DUSP11: variants seen among roughly 807,000 people sequenced by gnomAD.
DUSP11 encodes the protein dual specificity phosphatase 11.
DUSP11 carries 27 observed loss-of-function variants against 41.4 expected under a neutral mutation model. The observed-to-expected ratio is 0.65, with a 90% CI of 0.48 to 0.90. DUSP11 has a LOEUF of 0.90. Among genes scored for constraint, DUSP11 ranks in the 40% least tolerant of loss-of-function variants. The pLI is 0.00. For synonymous variants in DUSP11, 188 were observed against 159.3 expected, an observed-to-expected ratio of 1.18 and a Z score of -1.35; for missense variants, 465 against 461.1, an observed-to-expected ratio of 1.01 and a Z score of -0.08.
intron 2 of DUSP11, among the ~76,000 whole-genome samples, chr2:73,777,131 C>A (rs1175055401): frequency 6.6e-6 from 1 of 152,120 alleles, no homozygotes; most frequent in East Asian, 1.9e-4. Context: ...CAAGCACACG[C>A]CACCGCGCCT....
rs1672612634 is a variant in DUSP11 at position 73,772,834 on chromosome 2, C to CT, written c.574+965dup. Among the ~76,000 whole-genome samples, 3 of 152,234 alleles carry CT rather than the reference C, an allele frequency of 2.0e-5. No homozygotes were observed. In the South Asian group the frequency reaches 6.2e-4, roughly 32 times the overall value. ...ATCTTCAAACCCACTGATCCAGTCT[C>CT]TATCTCTCACCTTCCATTCCCTATC... On this transcript the variant is annotated intron_variant, in intron 4 of 8. Transcript: ENST00000272444.
In DUSP11 at chr2:73,775,048, T is replaced by C; in HGVS notation, c.319-4A>G. 1 of 1,608,066 alleles carries C rather than the reference T, an allele frequency of 6.2e-7. No homozygotes were observed. The highest frequency in any genetic ancestry group is 2.2e-5 in the East Asian group (1 of 44,712). Reference sequence around the variant, plus strand: ...GAGCAAGTTTCTTTTCAAAACTCTGTCACAGAGAATGAAATAAGAGCAAAT... The same window carrying C: ...GAGCAAGTTTCTTTTCAAAACTCTGCCACAGAGAATGAAATAAGAGCAAAT... On this transcript the variant is annotated splice_polypyrimidine_tract_variant and splice_region_variant and intron_variant, in intron 2 of 8. Coordinates refer to ENST00000272444, the Ensembl canonical transcript of DUSP11.
intron 5 of DUSP11, chr2:73,768,610 C>T (rs1672514827): frequency 1.0e-6 from 1 of 985,236 alleles, no homozygotes; most frequent in African/African-American, 1.7e-5. Context: ...ATATCAAAAA[C>T]TTCTGACTTT....
At chr2:73,779,981 C>T (rs778616327) in exon 1 of DUSP11, 2 of 1,614,236 alleles carry the variant, frequency 1.2e-6, no homozygotes, top group African/African-American at 2.7e-5. Flanking sequence ...TCATGTGGGT[C>T]CCAAGAAGCC....
exon 9 of DUSP11, chr2:73,762,709 A>G (rs1285266610): frequency 6.2e-7 from 1 of 1,613,762 alleles, no homozygotes; most frequent in South Asian, 1.1e-5. Flanking sequence ...TGGAGTAATT[A>G]TAAGGATACC....
At chr2:73,765,136 G>A (rs1407357312) in intron 8 of DUSP11, among the ~76,000 whole-genome samples, 1 of 152,204 alleles carries the variant, frequency 6.6e-6, no homozygotes, top group African/African-American at 2.4e-5. Context: ...GGATACTGGT[G>A]TGTGAGTGGG....
chr2:73,776,663 CATATT>C (rs1174797316), intron 2 of DUSP11, among the ~76,000 whole-genome samples: 1 of 152,052 alleles, frequency 6.6e-6, no homozygotes, highest in African/African-American at 2.4e-5. Flanking sequence ...ATTGTATGTA[CATATT>C]ATGTTATATA....
chr2:73,775,966 G>A (rs903420460), intron 2 of DUSP11, among the ~76,000 whole-genome samples: 4 of 151,026 alleles, frequency 2.6e-5, no homozygotes, highest in Non-Finnish European at 4.4e-5. Flanking sequence ...TCCTGTCTCG[G>A]CCTCACAAAT....
chr2:73,765,258 C>G (rs1448249277), intron 8 of DUSP11, among the ~76,000 whole-genome samples: 8 of 152,298 alleles, frequency 5.3e-5, no homozygotes, highest in East Asian at 1.9e-4. Context: ...TCTCCTGGAG[C>G]TGGAATACCT....
exon 9 of DUSP11, chr2:73,762,775 C>T: frequency 6.2e-7 from 1 of 1,613,742 alleles, no homozygotes; most frequent in Non-Finnish European, 8.5e-7. Context: ...TCCAAGAATA[C>T]CTCCTGTGTG....
At chr2:73,779,721 A>G in intron 1 of DUSP11, 153 bp downstream of exon 1, 2 of 1,160,792 alleles carry the variant, frequency 1.7e-6, no homozygotes, top group South Asian at 3.1e-5. Flanking sequence ...TTTCAGCTAC[A>G]GCGGGTGGCG....
chr2:73,762,779 CTGTGTGAATAG>C lies in DUSP11; in HGVS notation c.1005_1015del (p.Asp335GlufsTer18). 6.2e-7 allele frequency: 1 copy of C among 1,613,596 alleles called. No individual in the cohort carries two copies. Among genetic ancestry groups the C allele is most frequent in the East Asian group, 2.2e-5 (1 of 44,880 alleles). Reference sequence around the variant, plus strand: ...GGGCTTCACATTCCAAGAATACCTCCTGTGTGAATAGTCCTCTCCAGGGGGACCAGGAGGAG... The same window carrying C: ...GGGCTTCACATTCCAAGAATACCTCCTCCTCTCCAGGGGGACCAGGAGGAG... On this transcript the variant is annotated frameshift_variant, in exon 9 of 9. Transcript: ENST00000272444. LOFTEE classifies it low-confidence loss of function (END_TRUNC).
chr2:73,771,351 C>G (rs1672569201), intron 4 of DUSP11, among the ~76,000 whole-genome samples: 1 of 152,202 alleles, frequency 6.6e-6, no homozygotes, highest in South Asian at 2.1e-4. Flanking sequence ...TGCCTAATCC[C>G]CAAAACTGGG....
At chr2:73,775,559 T>TA (rs1021853433) in intron 2 of DUSP11, among the ~76,000 whole-genome samples, 1 of 125,818 alleles carries the variant, frequency 7.9e-6, no homozygotes, top group Non-Finnish European at 1.8e-5. Context: ...TTTTTTTTTT[T>TA]AAAGAGATAG....
chr2:73,777,798 C>T (rs761760309), intron 2 of DUSP11, among the ~76,000 whole-genome samples: 34 of 152,138 alleles, frequency 2.2e-4, no homozygotes, highest in Non-Finnish European at 4.6e-4. Flanking sequence ...GAACCTAACT[C>T]CATTTCACAA....
At chr2:73,769,374 A>G (rs1015880101) in intron 4 of DUSP11, 49 bp from the exon 5 acceptor site, 3 of 1,293,680 alleles carry the variant, frequency 2.3e-6, no homozygotes, top group Non-Finnish European at 3.3e-6. Context: ...ATACACAAGT[A>G]TATAACATTA....
chr2:73,769,179 C>G, intron 5 of DUSP11, 86 bp downstream of exon 5: 1 of 1,133,052 alleles, frequency 8.8e-7, no homozygotes, highest in Non-Finnish European at 1.3e-6. Flanking sequence ...ATTTCTATAC[C>G]AGTTCCATTT....
chr2:73,767,106 A>G, intron 6 of DUSP11, 55 bp downstream of exon 6: 1 of 1,505,832 alleles, frequency 6.6e-7, no homozygotes, highest in Admixed American at 1.8e-5. Flanking sequence ...ATTCTTCTAC[A>G]TTTCCACCTT....
At chr2:73,775,153 T>C (rs1672654178) in intron 2 of DUSP11, 109 bp from the exon 3 acceptor site, 1 of 969,364 alleles carries the variant, frequency 1.0e-6, no homozygotes, top group South Asian at 2.0e-5. Flanking sequence ...CAAAGGAAAG[T>C]TTCCATTCTC....
Sources: allele counts gnomAD v4.1 joint callset (sites outside exome capture counted in the v4.1 genomes callset), GRCh38; gene constraint gnomAD v4.1.1; transcripts MANE v1.5; gene names NCBI Gene and HGNC (gene_info 2026-07-23, HGNC 2026-07-21).